Variants in TP53BP2 observed in about 807,000 individuals in gnomAD.
TP53BP2 encodes the protein tumor protein p53 binding protein 2.
In TP53BP2, 62 loss-of-function variants were observed where a neutral mutation model predicts 126.2. That is an observed-to-expected ratio of 0.49 (90% CI 0.40 to 0.61). The LOEUF is 0.61. TP53BP2 is among the 20% of genes least tolerant of loss of function. TP53BP2 has a pLI of 0.00. For missense variants in TP53BP2, 1,215 were observed against 1,402.8 expected (o/e 0.87, Z 2.14); for synonymous variants, 485 against 502.9 (o/e 0.96, Z 0.48).
intron 1 of TP53BP2, chr1:223,834,894 T>C: frequency 6.1e-6 from 6 of 982,942 alleles, no homozygotes; most frequent in Non-Finnish European, 7.2e-6. Flanking sequence ...TAGTTGTCTG[T>C]ATCCCTGTCT....
At chr1:223,803,530 C>A (rs1020060862) in intron 6 of TP53BP2, 78 bp from the exon 7 acceptor site, 13 of 1,384,110 alleles carry the variant, frequency 9.4e-6, no homozygotes, top group South Asian at 3.1e-5. Context: ...CCGGGCTTTA[C>A]AATGAACTTT....
chr1:223,804,720 G>T (rs1245662503), intron 5 of TP53BP2, among the ~76,000 whole-genome samples: 2 of 152,176 alleles, frequency 1.3e-5, no homozygotes, highest in African/African-American at 4.8e-5. Flanking sequence ...ACAAGATTTG[G>T]AGTACATTTA....
In TP53BP2 at chr1:223,813,964, T is replaced by A. The variant is rs188897147; in HGVS notation, c.289+276A>T. On this transcript the variant is annotated intron_variant, in intron 3 of 17. Coordinates refer to ENST00000343537, the MANE Select transcript of TP53BP2 (RefSeq NM_001031685.3). ...ATCCTTCCTCTTGTCTAAGAGGACTTTCTGCCTCAGGGCTGTGGAAGGACC... is the reference window on the plus strand; with the variant it reads ...ATCCTTCCTCTTGTCTAAGAGGACTATCTGCCTCAGGGCTGTGGAAGGACC... Among the ~76,000 whole-genome samples, 3 of 152,266 alleles carry A rather than the reference T, an allele frequency of 2.0e-5. No homozygotes were observed. The East Asian group carries it at 5.8e-4, about 29-fold the overall frequency.
At chr1:223,798,928 C>T (rs1662434848) in intron 11 of TP53BP2, among the ~76,000 whole-genome samples, 1 of 152,028 alleles carries the variant, frequency 6.6e-6, no homozygotes, top group Admixed American at 6.6e-5. Context: ...AAAAATCAGC[C>T]AGGCATGGTG....
chr1:223,834,775 A>G, intron 1 of TP53BP2: 2 of 969,522 alleles, frequency 2.1e-6, no homozygotes, highest in Non-Finnish European at 2.5e-6. Context: ...TCCTTCCAGA[A>G]TAACTCAAAG....
chr1:223,794,373 T>C (rs2102842092), intron 13 of TP53BP2, among the ~76,000 whole-genome samples: 1 of 152,314 alleles, frequency 6.6e-6, no homozygotes, highest in Admixed American at 6.5e-5. Context: ...AAAATGTTGC[T>C]CTCTGAATGT....
chr1:223,820,025 T>A (rs1183623617), intron 2 of TP53BP2, among the ~76,000 whole-genome samples: 2 of 152,156 alleles, frequency 1.3e-5, no homozygotes, highest in Non-Finnish European at 2.9e-5. Context: ...CAGGATGATG[T>A]AACTGAGAAC....
intron 2 of TP53BP2, among the ~76,000 whole-genome samples, chr1:223,818,868 C>A (rs1377635373): frequency 6.6e-6 from 1 of 151,372 alleles, no homozygotes; most frequent in African/African-American, 2.4e-5. Flanking sequence ...CGTCAGCCAC[C>A]GTGTCCGGCC....
In TP53BP2 at chr1:223,800,785, A is replaced by G. The variant is rs2102851074; in HGVS notation, c.1251T>C (p.Pro417=). The change falls in exon 10 of 18, where the codon CCT becomes CCC. Residue 417 remains proline, a synonymous_variant. Transcript: ENST00000343537. ...GATCTGCATTTGAAGGACTCCAATC[A>G]GGGCCAACTGGATGGATTTTAGAGC... ...TKGSKIHPVG[P]DWSPSNADLF... is the part of the protein sequence containing the mutation. 2.5e-6 allele frequency: 4 copies of G among 1,609,470 alleles called. No homozygotes were observed. In the African/African-American group the frequency reaches 4.0e-5, roughly 16 times the overall value.
At chr1:223,792,614 A>ATTTC in intron 14 of TP53BP2, 92 bp from the exon 15 acceptor site, 10 of 1,310,830 alleles carry the variant, frequency 7.6e-6, no homozygotes, top group Non-Finnish European at 9.6e-6. Context: ...GAGGACAGAA[A>ATTTC]TGGACTCTTG....
At position 223,796,463 on chromosome 1, in the gene TP53BP2, C is replaced by G; in HGVS notation, c.2076G>C (p.Glu692Asp). ...PETEPVSSVQENHENERIPRP... is the reference protein window; with the variant it reads ...PETEPVSSVQDNHENERIPRP... ...GAGGAATTCTTTCGTTTTCATGGTTCTCCTGAACTGAAGAAACAGGCTCTG... is the reference window on the plus strand; with the variant it reads ...GAGGAATTCTTTCGTTTTCATGGTTGTCCTGAACTGAAGAAACAGGCTCTG... Residue 692 changes from glutamate (E) to aspartate (D), a missense_variant, in exon 13 of 18, where the codon GAG becomes GAC. Glu to Asp is a conservative substitution (Grantham distance 45, BLOSUM62 2). Coordinates refer to ENST00000343537, the MANE Select transcript of TP53BP2 (RefSeq NM_001031685.3). This position sits in a 1 kb window ranked among gnomAD's most constrained non-coding sequence, Gnocchi z 4.2. The G allele has an allele frequency of 1.2e-6, 2 of 1,614,176 alleles. No homozygotes were observed. The highest frequency in any genetic ancestry group is 1.7e-6 in the Non-Finnish European group (2 of 1,180,028).
chr1:223,819,778 G>A, intron 2 of TP53BP2, among the ~76,000 whole-genome samples: 1 of 152,180 alleles, frequency 6.6e-6, no homozygotes, highest in Non-Finnish European at 1.5e-5. Flanking sequence ...TAAATGCAAG[G>A]AGGTTACCAG....
At chr1:223,782,760 GT>G (rs919853301) in intron 17 of TP53BP2, among the ~76,000 whole-genome samples, 3 of 152,004 alleles carry the variant, frequency 2.0e-5, no homozygotes, top group Non-Finnish European at 4.4e-5. Flanking sequence ...GCCCCTGAAA[GT>G]TTTTTTTAAG....
intron 4 of TP53BP2, among the ~76,000 whole-genome samples, chr1:223,809,938 T>A (rs944484248): frequency 6.6e-6 from 1 of 152,170 alleles, no homozygotes; most frequent in Non-Finnish European, 1.5e-5. Context: ...GAGATTCTCC[T>A]GCCTCAGCCT....
chr1:223,824,001 CAG>C (rs1442498328), intron 1 of TP53BP2, among the ~76,000 whole-genome samples: 1 of 152,208 alleles, frequency 6.6e-6, no homozygotes, highest in East Asian at 1.9e-4. Context: ...CTTCATCTTT[CAG>C]ACACATTATC....
rs1662184647 is a variant in TP53BP2, at chr1:223,792,483, C to T, written c.2902G>A (p.Ala968Thr). The change falls in exon 15 of 18, where the codon GCT becomes ACT. Residue 968 changes from alanine to threonine, a missense_variant. Physicochemically the swap from Ala to Thr is moderately conservative, Grantham distance 58. Transcript: ENST00000343537. Reference sequence around the variant, plus strand: ...CCTGCACACACAGCATTGTGAAGAGCCGTGATGCCTTCATCATTGGGGAGG... The same window carrying T: ...CCTGCACACACAGCATTGTGAAGAGTCGTGATGCCTTCATCATTGGGGAGG... ...PSLPNDEGIT[A>T]LHNAVCAGHT... 6.2e-7 allele frequency: 1 copy of T among 1,614,020 alleles called. No homozygotes were observed. The highest frequency in any genetic ancestry group is 2.2e-5 in the East Asian group (1 of 44,876).
At chr1:223,831,601 T>C (rs1426483211) in intron 1 of TP53BP2, among the ~76,000 whole-genome samples, 1 of 147,068 alleles carries the variant, frequency 6.8e-6, no homozygotes, top group African/African-American at 2.5e-5. Flanking sequence ...ATCTCAACAG[T>C]AAAATATTTT....
At chr1:223,798,063 T>C (rs894524727) in intron 12 of TP53BP2, 152 bp downstream of exon 12, 2 of 712,346 alleles carry the variant, frequency 2.8e-6, no homozygotes, top group Non-Finnish European at 4.6e-6. Context: ...TAGCAAGCAC[T>C]CTTTTAAACT....
At chr1:223,840,561 C>T in intron 1 of TP53BP2, among the ~76,000 whole-genome samples, 1 of 152,210 alleles carries the variant, frequency 6.6e-6, no homozygotes. Context: ...GGCTAGATAA[C>T]ATGAGCTTCA....
Sources: allele counts gnomAD v4.1 joint callset (sites outside exome capture counted in the v4.1 genomes callset), GRCh38; gene constraint gnomAD v4.1.1; non-coding constraint Gnocchi (gnomAD v3.1); transcripts MANE v1.5; gene names NCBI Gene and HGNC (gene_info 2026-07-23, HGNC 2026-07-21).